Variants in MTA3 observed in about 807,000 individuals in gnomAD.
MTA3 encodes the protein metastasis associated 1 family member 3.
Under a neutral mutation model 83.5 loss-of-function variants are expected in MTA3, and 34 were observed. The observed-to-expected ratio is 0.41, with a 90% CI of 0.31 to 0.54. MTA3 has a LOEUF of 0.54. MTA3 is among the 20% of genes least tolerant of loss of function. MTA3 has a pLI of 0.33. For missense variants in MTA3, 761 were observed against 726.4 expected (o/e 1.05, Z -0.55); for synonymous variants, 303 against 252.7 (o/e 1.20, Z -1.89).
At chr2:42,596,730 G>C (rs1243426153) in intron 3 of MTA3, among the ~76,000 whole-genome samples, 1 of 152,062 alleles carries the variant, frequency 6.6e-6, no homozygotes, top group Admixed American at 6.6e-5. Context: ...CCTTGTGTTA[G>C]CTTTACTTCT....
intron 12 of MTA3, among the ~76,000 whole-genome samples, chr2:42,706,325 G>A (rs1666076228): frequency 1.3e-5 from 2 of 152,050 alleles, no homozygotes; most frequent in Non-Finnish European, 2.9e-5. Context: ...CTAAATTATA[G>A]GAGGAAAGGC....
In MTA3 at chr2:42,570,465, C is replaced by A; in HGVS notation, c.57C>A (p.Ser19Arg). Residue 19 changes from serine (S) to arginine (R), a missense_variant, in exon 2 of 17, where the codon AGC becomes AGA. Coordinates refer to ENST00000405094, the MANE Select transcript of MTA3 (RefSeq NM_001330442.2). ...ATGTCTACTTTGAGAATTCCTCCAGCAACCCATACCTAATAAGAAGGATAG... is the reference window on the plus strand; with the variant it reads ...ATGTCTACTTTGAGAATTCCTCCAGAAACCCATACCTAATAAGAAGGATAG... ...GDYVYFENSSSNPYLIRRIEE... is the reference protein window; with the variant it reads ...GDYVYFENSSRNPYLIRRIEE... The A allele has an allele frequency of 6.5e-7, 1 of 1,546,006 alleles. No homozygotes were observed. The highest frequency in any genetic ancestry group is 1.9e-5 in the Admixed American group (1 of 52,032).
At chr2:42,629,129 G>C (rs1032118120) in intron 4 of MTA3, among the ~76,000 whole-genome samples, 4 of 152,042 alleles carry the variant, frequency 2.6e-5, no homozygotes, top group Admixed American at 6.6e-5. Context: ...GCCCACGCTG[G>C]AGTGCAGTAA....
intron 2 of MTA3, among the ~76,000 whole-genome samples, chr2:42,501,863 A>G (rs987782348): frequency 1.3e-5 from 2 of 152,152 alleles, no homozygotes; most frequent in Non-Finnish European, 2.9e-5. Flanking sequence ...TTGTAATCCC[A>G]GCTGCTGGGG....
chr2:42,746,092 G>C (rs1361721109), intron 16 of MTA3, among the ~76,000 whole-genome samples: 1 of 152,036 alleles, frequency 6.6e-6, no homozygotes, highest in African/African-American at 2.4e-5. Context: ...GATTACAGGC[G>C]TGAGCCACTG....
intron 8 of MTA3, among the ~76,000 whole-genome samples, chr2:42,678,387 G>C (rs1038391811): frequency 2.6e-5 from 4 of 152,102 alleles, no homozygotes; most frequent in African/African-American, 9.7e-5. Flanking sequence ...GCCCAGGCTG[G>C]AGTGCAGTGG....
chr2:42,701,898 G>A (rs1403878683), intron 11 of MTA3, among the ~76,000 whole-genome samples: 3 of 139,638 alleles, frequency 2.1e-5, no homozygotes, highest in Non-Finnish European at 4.6e-5. Context: ...CTGGGCGAAA[G>A]AGTGAAACTC....
chr2:42,547,110 G>A (rs879572371), intron 2 of MTA3, among the ~76,000 whole-genome samples: 5 of 152,164 alleles, frequency 3.3e-5, no homozygotes, highest in Non-Finnish European at 5.9e-5. Context: ...CCCTCCCCCA[G>A]AGACAGATTT....
chr2:42,621,385 C>A (rs1324871195), intron 4 of MTA3, among the ~76,000 whole-genome samples: 1 of 150,630 alleles, frequency 6.6e-6, no homozygotes, highest in Non-Finnish European at 1.5e-5. Context: ...CATCTTGCAC[C>A]GCCATTAATC....
intron 16 of MTA3, among the ~76,000 whole-genome samples, chr2:42,726,239 C>T (rs114535083): frequency 1.0e-3 from 152 of 152,290 alleles, no homozygotes; most frequent in African/African-American, 3.5e-3. Context: ...TTGGAAACAA[C>T]ACCCGGGGCT....
Position 42,607,040 on chromosome 2 carries a change from G to T in MTA3, c.191-2418G>T, listed in dbSNP as rs529350367. On this transcript the variant is annotated intron_variant, in intron 3 of 16. Transcript: ENST00000405094. ...AGCAGTACAGTCCAGCTTCGGCTCC[G>T]CATGAGAGGGAGACCGGAGGTAGAG... is the stretch of plus-strand genomic sequence containing the variant. Among the ~76,000 whole-genome samples the T allele has an allele frequency of 1.7e-3, 252 of 151,592 alleles. 3 individuals are homozygous for T. The highest frequency in any genetic ancestry group is 5.8e-3 in the African/African-American group (238 of 41,276).
At chr2:42,700,774 C>G (rs1693799495) in intron 11 of MTA3, among the ~76,000 whole-genome samples, 1 of 152,088 alleles carries the variant, frequency 6.6e-6, no homozygotes, top group South Asian at 2.1e-4. Flanking sequence ...AGCTGAAAAC[C>G]GTAAGAAGAG....
chr2:42,641,935 A>G (rs1384111254), intron 5 of MTA3, among the ~76,000 whole-genome samples: 7 of 152,186 alleles, frequency 4.6e-5, no homozygotes, highest in African/African-American at 1.7e-4. Flanking sequence ...ACTGTTCACT[A>G]TTCAGGTGAT....
intron 2 of MTA3, among the ~76,000 whole-genome samples, chr2:42,561,121 C>G (rs1055681958): frequency 6.6e-6 from 1 of 152,106 alleles, no homozygotes; most frequent in Non-Finnish European, 1.5e-5. Context: ...ATGTGGGGAA[C>G]TTGCACTTTT....
chr2:42,644,225 T>C lies in MTA3; in HGVS notation c.480T>C (p.Ile160=). 2 of 1,610,100 alleles carry C rather than the reference T, an allele frequency of 1.2e-6. No homozygotes were observed. Among genetic ancestry groups the C allele is most frequent in the Non-Finnish European group, 1.7e-6 (2 of 1,178,286 alleles). The change falls in exon 6 of 17, where the codon ATT becomes ATC. Residue 160 remains isoleucine, a synonymous_variant. Transcript: ENST00000405094. ...IRVGPRYQAD[I]PEMLLEGESD... is the part of the protein sequence containing the mutation. ...TGGGACCTAGATATCAAGCAGACATTCCAGAAATGCTGTTAGAAGGTACGT... is the reference window on the plus strand; with the variant it reads ...TGGGACCTAGATATCAAGCAGACATCCCAGAAATGCTGTTAGAAGGTACGT...
At chr2:42,577,105 A>AT (rs1553347510) in intron 2 of MTA3, among the ~76,000 whole-genome samples, 359 of 86,882 alleles carry the variant, frequency 4.1e-3, no homozygotes, top group Non-Finnish European at 6.3e-3. Flanking sequence ...AAAAAAAAAA[A>AT]ATATATATAT....
At chr2:42,649,849 G>A (rs1043042428) in intron 6 of MTA3, among the ~76,000 whole-genome samples, 1 of 152,144 alleles carries the variant, frequency 6.6e-6, no homozygotes, top group African/African-American at 2.4e-5. Flanking sequence ...CTGTAAAAAG[G>A]GACCTACAGC....
intron 16 of MTA3, among the ~76,000 whole-genome samples, chr2:42,738,103 A>C (rs1668739776): frequency 6.6e-6 from 1 of 152,184 alleles, no homozygotes; most frequent in Non-Finnish European, 1.5e-5. Flanking sequence ...CCCTACAAAA[A>C]ATACAAAAAT....
chr2:42,506,598 G>A (rs557713357), intron 2 of MTA3, among the ~76,000 whole-genome samples: 71 of 150,458 alleles, frequency 4.7e-4, no homozygotes, highest in African/African-American at 1.7e-3. Flanking sequence ...GGGGGGTAAC[G>A]GATTGGAGAT....
Sources: allele counts gnomAD v4.1 joint callset (sites outside exome capture counted in the v4.1 genomes callset), GRCh38; gene constraint gnomAD v4.1.1; transcripts MANE v1.5; gene names NCBI Gene and HGNC (gene_info 2026-07-23, HGNC 2026-07-21).